UBXN10: variants seen among roughly 807,000 people sequenced by gnomAD.
The protein encoded by UBXN10 is UBX domain-containing protein 10.
In UBXN10, 6 loss-of-function variants were observed where a neutral mutation model predicts 6.9. The ratio of observed to expected loss-of-function variants is 0.87; its 90% CI spans 0.48 to 1.72. The LOEUF (loss-of-function observed/expected upper bound fraction) is 1.72, where lower values mean the gene tolerates loss of function less well. Among genes scored for constraint, UBXN10 ranks in the 40% most tolerant of loss-of-function variants. The probability of loss-of-function intolerance (pLI) is 0.01; values close to 1 mark genes in which losing one functional copy is unlikely to be tolerated. For missense variants in UBXN10, 317 were observed against 348.4 expected, an observed-to-expected ratio of 0.91 and a Z score of 0.72; for synonymous variants, 131 against 135.2, an observed-to-expected ratio of 0.97 and a Z score of 0.21.
rs2100740221 is a variant in UBXN10, at chr1:20,194,459, TTGTGAACATGAC to T, written c.*3060_*3071del. ...AGGGCACTCCTGCGGAAGAGATGGC[TTGTGAACATGAC>T]TGTGGACCCAGAGTCACCCCAGAGC... On this transcript the variant is annotated 3_prime_UTR_variant, in exon 2 of 2. Coordinates refer to ENST00000375099, the MANE Select transcript of UBXN10 (RefSeq NM_152376.5). 1 of 167,218 alleles carries T rather than the reference TTGTGAACATGAC, an allele frequency of 6.0e-6. No homozygotes were observed. Among genetic ancestry groups the T allele is most frequent in the South Asian group, 2.1e-4 (1 of 4,826 alleles). The allele number at this position is 167,218 out of a possible 1,614,324, so 10.4% of individuals were successfully genotyped here. A position where few individuals can be genotyped will look rare whatever the true frequency, so the allele number is the denominator to read the frequency against.
At chr1:20,189,060 T>C (rs1356510299) in intron 1 of UBXN10, among the ~76,000 whole-genome samples, 1 of 152,044 alleles carries the variant, frequency 6.6e-6, no homozygotes, top group African/African-American at 2.4e-5. Context: ...TTTAGCTAAT[T>C]TGATAGATGA....
At position 20,191,629 on chromosome 1, in the gene UBXN10, C is replaced by G. The variant is rs899231530; in HGVS notation, c.*225C>G. Reference sequence around the variant, plus strand: ...GCTGTTCCATTCTCTCCACCACCAGCGTAACTGGCAAGTTACCAAGGTTGT... The same window carrying G: ...GCTGTTCCATTCTCTCCACCACCAGGGTAACTGGCAAGTTACCAAGGTTGT... On this transcript the variant is annotated 3_prime_UTR_variant, in exon 2 of 2. Transcript: ENST00000375099. The surrounding 1 kb of genome is among the most constrained non-coding windows in gnomAD (Gnocchi z 4.5). 1 of 575,208 alleles carries G rather than the reference C, an allele frequency of 1.7e-6. No individual in the cohort carries two copies. The highest frequency in any genetic ancestry group is 2.9e-6 in the Non-Finnish European group (1 of 343,762). 35.6% of individuals were successfully genotyped at this position (575,208 alleles called of 1,614,324 possible).
In UBXN10 at chr1:20,195,040, T is replaced by G. The variant is rs1213931356; in HGVS notation, c.*3636T>G. 1.4e-4 allele frequency: 23 copies of G among 167,042 alleles called. 1 individual carries two copies. The Admixed American group carries it at 1.5e-3, about 11-fold the overall frequency. The allele number at this position is 167,042 out of a possible 1,614,324, so 10.3% of individuals were successfully genotyped here. On this transcript the variant is annotated 3_prime_UTR_variant, in exon 2 of 2. Coordinates refer to ENST00000375099, the MANE Select transcript of UBXN10 (RefSeq NM_152376.5). ...TAGCAATCAAAGGAGAACAGACTTT[T>G]GGTGACTCAGTTACCAACACACAAC...
intron 1 of UBXN10, among the ~76,000 whole-genome samples, chr1:20,188,814 G>C (rs2018442806): frequency 6.6e-6 from 1 of 152,062 alleles, no homozygotes; most frequent in South Asian, 2.1e-4. Flanking sequence ...GACACACGGG[G>C]AAAAGTTCTA....
Position 20,195,413 on chromosome 1 carries a change from G to A in UBXN10, c.*4009G>A, listed in dbSNP as rs372473286. The A allele has an allele frequency of 1.1e-4, 18 of 167,740 alleles. No individual in the cohort carries two copies. Among genetic ancestry groups the A allele is most frequent in the Non-Finnish European group, 2.9e-5 (2 of 68,612 alleles). 10.4% of individuals were successfully genotyped at this position (167,740 alleles called of 1,614,324 possible). A position where few individuals can be genotyped will look rare whatever the true frequency, so the allele number is the denominator to read the frequency against. On this transcript the variant is annotated 3_prime_UTR_variant, in exon 2 of 2. Coordinates refer to ENST00000375099, the MANE Select transcript of UBXN10 (RefSeq NM_152376.5). ...GTGGAAGATGGAAGACTTGAGTGCTGGAGGTATGAAGGTGACCAGAGAGAG... is the reference window on the plus strand; with the variant it reads ...GTGGAAGATGGAAGACTTGAGTGCTAGAGGTATGAAGGTGACCAGAGAGAG...
intron 1 of UBXN10, 76 bp from the exon 2 acceptor site, chr1:20,190,469 TCA>T: frequency 6.7e-7 from 1 of 1,502,816 alleles, no homozygotes; most frequent in Non-Finnish European, 8.8e-7. Flanking sequence ...TTCTGGGCAC[TCA>T]GGGAGGGAAT....
chr1:20,183,751 G>T (rs917719856), upstream of UBXN10, among the ~76,000 whole-genome samples: 1 of 152,182 alleles, frequency 6.6e-6, no homozygotes, highest in African/African-American at 2.4e-5. Flanking sequence ...AAGAGAGCAG[G>T]GTGGGGCAGG....
chr1:20,190,578 CT>C lies in UBXN10; in HGVS notation c.18del (p.Val7Ter). The C allele has an allele frequency of 6.2e-7, 1 of 1,613,200 alleles. No homozygotes were observed. Among genetic ancestry groups the C allele is most frequent in the Non-Finnish European group, 8.5e-7 (1 of 1,179,292 alleles). On this transcript the variant is annotated frameshift_variant, in exon 2 of 2. Coordinates refer to ENST00000375099, the MANE Select transcript of UBXN10 (RefSeq NM_152376.5). LOFTEE classifies it low-confidence loss of function (END_TRUNC). ...TGAGAAGCAATGGCCACAGAAGCCC[CT>C]GTGAATATAGCACCACCTGAGTGTA... MATEAPVNIAPPECST... is the reference protein window; with the variant it reads MATEAXVNIAPPECST...
At position 20,195,949 on chromosome 1, in the gene UBXN10, T is replaced by G. The variant is rs1230976043; in HGVS notation, c.*4545T>G. On this transcript the variant is annotated 3_prime_UTR_variant, in exon 2 of 2. Coordinates refer to ENST00000375099, the MANE Select transcript of UBXN10 (RefSeq NM_152376.5). ...CCTTTCTTGCCACCCTTCCCTCCATTTATTCCAGTCCAGCAGCTGACTGGG... is the reference window on the plus strand; with the variant it reads ...CCTTTCTTGCCACCCTTCCCTCCATGTATTCCAGTCCAGCAGCTGACTGGG... The G allele has an allele frequency of 6.0e-6, 1 of 167,062 alleles. No homozygotes were observed. The highest frequency in any genetic ancestry group is 1.9e-4 in the East Asian group (1 of 5,198). 10.3% of individuals were successfully genotyped at this position (167,062 alleles called of 1,614,324 possible).
At chr1:20,190,414 A>G in intron 1 of UBXN10, 133 bp from the exon 2 acceptor site, 1 of 1,159,914 alleles carries the variant, frequency 8.6e-7, no homozygotes, top group South Asian at 1.6e-5. Context: ...TGAATGAATA[A>G]ATTGCAGCTG....
rs1375118583 is a variant in UBXN10, at chr1:20,191,236, T to G, written c.675T>G (p.Val225=). 1.2e-6 allele frequency: 2 copies of G among 1,614,240 alleles called. No homozygotes were observed. The highest frequency in any genetic ancestry group is 1.7e-6 in the Non-Finnish European group (2 of 1,180,054). The part of the protein sequence containing the change: ...FRPTDDLQTI[V]AVAEQKNKTS... ...CAACAGATGATTTGCAAACCATTGT[T>G]GCTGTGGCCGAACAGAAAAACAAAA... Residue 225 remains valine (V), a synonymous_variant, in exon 2 of 2, where the codon GTT becomes GTG. Coordinates refer to ENST00000375099, the MANE Select transcript of UBXN10 (RefSeq NM_152376.5). This position sits in a 1 kb window ranked among gnomAD's most constrained non-coding sequence, Gnocchi z 4.5.
chr1:20,183,728 C>T (rs1286232070), upstream of UBXN10, among the ~76,000 whole-genome samples: 1 of 152,098 alleles, frequency 6.6e-6, no homozygotes, highest in African/African-American at 2.4e-5. Flanking sequence ...GTCATTTTGG[C>T]TTAACTTCAA....
chr1:20,190,626 T>C lies in UBXN10; in HGVS notation c.65T>C (p.Val22Ala), dbSNP rs757906905. The change falls in exon 2 of 2, where the codon GTT becomes GCT. Residue 22 changes from valine (V) to alanine (A), a missense_variant. Transcript: ENST00000375099. Reference protein sequence around the residue: ...PECSTVVSTAVDSLIWQPNSL... With the variant: ...PECSTVVSTAADSLIWQPNSL... ...TGTAGCACTGTTGTCAGCACAGCAG[T>C]TGACAGCCTCATTTGGCAGCCAAAC... 3 of 1,613,998 alleles carry C rather than the reference T, an allele frequency of 1.9e-6. No individual in the cohort carries two copies. Among genetic ancestry groups the C allele is most frequent in the South Asian group, 2.2e-5 (2 of 91,042 alleles).
At position 20,190,675 on chromosome 1, in the gene UBXN10, G is replaced by T; in HGVS notation, c.114G>T (p.Arg38Ser). ...ACTCACTAAATATGCACATGATAAG[G>T]CCCAAGTCCGCCAAGGGACGGACAA... ...QPNSLNMHMI[R>S]PKSAKGRTRP... The change falls in exon 2 of 2, where the codon AGG becomes AGT. Residue 38 changes from arginine (R) to serine (S), a missense_variant. By Grantham distance (110) the Arg-to-Ser change is moderately radical. Transcript: ENST00000375099. The T allele has an allele frequency of 6.2e-7, 1 of 1,614,144 alleles. No individual in the cohort carries two copies. Among genetic ancestry groups the T allele is most frequent in the Non-Finnish European group, 8.5e-7 (1 of 1,180,026 alleles).
At chr1:20,190,442 C>T (rs1322716813) in intron 1 of UBXN10, 105 bp from the exon 2 acceptor site, 2 of 1,434,794 alleles carry the variant, frequency 1.4e-6, no homozygotes. Context: ...TTACTAGATG[C>T]CAGAAATTTG....
rs1392377770 is a variant in UBXN10 at position 20,193,069 on chromosome 1, C to T, written c.*1665C>T. 1 of 167,104 alleles carries T rather than the reference C, an allele frequency of 6.0e-6. No individual in the cohort carries two copies. Among genetic ancestry groups the T allele is most frequent in the Non-Finnish European group, 1.5e-5 (1 of 68,132 alleles). The allele number at this position is 167,104 out of a possible 1,614,324, so 10.4% of individuals were successfully genotyped here. ...TCAGGCAGGCCCACACAACTGGCCA[C>T]CTCTTCCCGTTAATGACCACAGCAG... On this transcript the variant is annotated 3_prime_UTR_variant, in exon 2 of 2. Transcript: ENST00000375099.
In UBXN10 at chr1:20,191,201, C is replaced by T. The variant is rs1267754509; in HGVS notation, c.640C>T (p.His214Tyr). 1.9e-6 allele frequency: 3 copies of T among 1,614,078 alleles called. No homozygotes were observed. Among genetic ancestry groups the T allele is most frequent in the African/African-American group, 2.7e-5 (2 of 74,924 alleles). ...RSPTGQRFVRHFRPTDDLQTI... is the reference protein window; with the variant it reads ...RSPTGQRFVRYFRPTDDLQTI... Reference sequence around the variant, plus strand: ...ACCAACAGGCCAAAGGTTTGTACGCCATTTCCGGCCAACAGATGATTTGCA... The same window carrying T: ...ACCAACAGGCCAAAGGTTTGTACGCTATTTCCGGCCAACAGATGATTTGCA... The change falls in exon 2 of 2, where the codon CAT becomes TAT. Residue 214 changes from histidine (H) to tyrosine (Y), a missense_variant. Coordinates refer to ENST00000375099, the MANE Select transcript of UBXN10 (RefSeq NM_152376.5). This position sits in a 1 kb window ranked among gnomAD's most constrained non-coding sequence, Gnocchi z 4.5.
At chr1:20,184,366 A>C (rs1308325153), upstream of UBXN10, 1 of 152,254 alleles carries the variant, frequency 6.6e-6, no homozygotes, top group Non-Finnish European at 1.5e-5. Context: ...CTTTTGACAG[A>C]ATCATTAACA....
At position 20,193,121 on chromosome 1, in the gene UBXN10, G is replaced by T. The variant is rs994601581; in HGVS notation, c.*1717G>T. ...CAGAATTTGAGCCCAGCACCTAAAA[G>T]TACAGGAATTTCACTTCCCACCAGG... On this transcript the variant is annotated 3_prime_UTR_variant, in exon 2 of 2. Coordinates refer to ENST00000375099, the MANE Select transcript of UBXN10 (RefSeq NM_152376.5). The T allele has an allele frequency of 6.0e-6, 1 of 167,058 alleles. No homozygotes were observed. 10.3% of individuals were successfully genotyped at this position (167,058 alleles called of 1,614,324 possible). A position where few individuals can be genotyped will look rare whatever the true frequency, so the allele number is the denominator to read the frequency against.
Sources: allele counts gnomAD v4.1 joint callset (sites outside exome capture counted in the v4.1 genomes callset), GRCh38; gene constraint gnomAD v4.1.1; non-coding constraint Gnocchi (gnomAD v3.1); transcripts MANE v1.5; gene names NCBI Gene and HGNC (gene_info 2026-07-23, HGNC 2026-07-21).